The following VANGL1 variants were observed in gnomAD, a reference collection of about 807,000 sequenced individuals.
The protein encoded by VANGL1 is vang-like protein 1.
In VANGL1, 18 loss-of-function variants were observed where a neutral mutation model predicts 48.4. The observed-to-expected ratio is 0.37, with a 90% CI of 0.26 to 0.55. The LOEUF is 0.55. Ranked by LOEUF, VANGL1 falls within the 20% of genes least tolerant of loss-of-function variation. The pLI is 0.81. For synonymous variants in VANGL1, 257 were observed against 261.8 expected, an observed-to-expected ratio of 0.98 and a Z score of 0.18; for missense variants, 667 against 675.8, an observed-to-expected ratio of 0.99 and a Z score of 0.14.
Position 115,691,462 on chromosome 1 carries a change from T to TA in VANGL1, c.*88dup. The TA allele has an allele frequency of 7.0e-7, 1 of 1,426,776 alleles. No homozygotes were observed. The highest frequency in any genetic ancestry group is 9.4e-7 in the Non-Finnish European group (1 of 1,065,562). The allele number at this position is 1,426,776 out of a possible 1,614,324, so 88.4% of individuals were successfully genotyped here. On this transcript the variant is annotated 3_prime_UTR_variant, in exon 8 of 8. Coordinates refer to ENST00000355485, the MANE Select transcript of VANGL1 (RefSeq NM_138959.3). ...ATCTATGCCAGAGGGGTGTCTTTTT[T>TA]AAAAATTCTTCTTCATTGCTGACTG... is the stretch of plus-strand genomic sequence containing the variant.
At chr1:115,675,616 A>G (rs1653132412) in intron 4 of VANGL1, among the ~76,000 whole-genome samples, 1 of 152,056 alleles carries the variant, frequency 6.6e-6, no homozygotes, top group Admixed American at 6.6e-5. Context: ...CCTGGCCAAC[A>G]TGGCGAAACC....
rs1653836372 is a variant in VANGL1 at position 115,691,511 on chromosome 1, A to G, written c.*132A>G. 3 of 1,041,924 alleles carry G rather than the reference A, an allele frequency of 2.9e-6. No individual in the cohort carries two copies. Among genetic ancestry groups the G allele is most frequent in the Non-Finnish European group, 4.1e-6 (3 of 739,724 alleles). 64.5% of individuals were successfully genotyped at this position (1,041,924 alleles called of 1,614,324 possible). On this transcript the variant is annotated 3_prime_UTR_variant, in exon 8 of 8. Coordinates refer to ENST00000355485, the MANE Select transcript of VANGL1 (RefSeq NM_138959.3). ...TGAAACTGGCAGATGATTGACCAGTATCCTTTGACCATCTGCACTTTATTT... is the reference window on the plus strand; with the variant it reads ...TGAAACTGGCAGATGATTGACCAGTGTCCTTTGACCATCTGCACTTTATTT...
intron 7 of VANGL1, among the ~76,000 whole-genome samples, chr1:115,689,500 G>C (rs562443683): frequency 7.3e-6 from 1 of 136,790 alleles, no homozygotes; most frequent in Non-Finnish European, 1.6e-5. Flanking sequence ...AGCCAGGCGT[G>C]GTGGCGCATG....
At chr1:115,662,800 T>TC (rs1357204608) in intron 3 of VANGL1, among the ~76,000 whole-genome samples, 1 of 151,644 alleles carries the variant, frequency 6.6e-6, no homozygotes, top group Non-Finnish European at 1.5e-5. Flanking sequence ...TTTTTTTTTT[T>TC]TTTTGAGACG....
chr1:115,660,236 C>G (rs960265859), intron 3 of VANGL1, among the ~76,000 whole-genome samples: 1 of 152,080 alleles, frequency 6.6e-6, no homozygotes, highest in Non-Finnish European at 1.5e-5. Flanking sequence ...GGCCCTGGGT[C>G]GAAAAGAGGG....
chr1:115,655,450 T>C (rs919220040), intron 2 of VANGL1, among the ~76,000 whole-genome samples: 2 of 152,194 alleles, frequency 1.3e-5, no homozygotes, highest in African/African-American at 2.4e-5. Flanking sequence ...CCGGGCTGCC[T>C]GCATGCCACC....
chr1:115,665,901 C>T (rs1652761214), intron 4 of VANGL1, among the ~76,000 whole-genome samples: 1 of 152,160 alleles, frequency 6.6e-6, no homozygotes, highest in Non-Finnish European at 1.5e-5. Context: ...ATCTCAGCAC[C>T]TGTGGCACTC....
chr1:115,676,520 C>T (rs1653173219), intron 4 of VANGL1, among the ~76,000 whole-genome samples: 1 of 152,188 alleles, frequency 6.6e-6, no homozygotes, highest in Non-Finnish European at 1.5e-5. Flanking sequence ...GAATTATTTA[C>T]TTTGAATAAC....
chr1:115,683,614 T>A (rs571510150), intron 5 of VANGL1, among the ~76,000 whole-genome samples: 1 of 152,324 alleles, frequency 6.6e-6, no homozygotes, highest in South Asian at 2.1e-4. Context: ...TGAAACTTTA[T>A]GTAACAGATG....
intron 2 of VANGL1, among the ~76,000 whole-genome samples, chr1:115,652,695 C>T (rs1263762315): frequency 6.6e-6 from 1 of 152,132 alleles, no homozygotes; most frequent in Non-Finnish European, 1.5e-5. Flanking sequence ...GCGCTCTTCC[C>T]CATACAAGCA....
chr1:115,651,463 C>A lies in VANGL1; in HGVS notation c.50C>A (p.Ser17Ter). The change falls in exon 2 of 8, where the codon TCG becomes TAG. Residue 17 changes from serine to a stop codon, truncating the protein, a stop_gained. Transcript: ENST00000355485. LOFTEE classifies it high-confidence loss of function. The part of the protein sequence containing the change: ...YSGYSYYSSH[S>*]KKSHRQGERT... Reference sequence around the variant, plus strand: ...GGATATTCTTACTATTCAAGTCATTCGAAAAAATCTCACAGACAAGGGTAT... The same window carrying A: ...GGATATTCTTACTATTCAAGTCATTAGAAAAAATCTCACAGACAAGGGTAT... 6.2e-7 allele frequency: 1 copy of A among 1,613,978 alleles called. No individual in the cohort carries two copies. Among genetic ancestry groups the A allele is most frequent in the Non-Finnish European group, 8.5e-7 (1 of 1,179,948 alleles).
In VANGL1 at chr1:115,654,957, AC is replaced by A. The variant is rs570141868; in HGVS notation, c.71+3475del. ...GGTGCCCTCAGCAGATTTTGGGCCA[AC>A]CTTGTTTCTTTAGAAGAGAAATGCT... On this transcript the variant is annotated intron_variant, in intron 2 of 7. Transcript: ENST00000355485. 3.9e-5 allele frequency among the ~76,000 whole-genome samples: 6 copies of A among 152,350 alleles called. No individual in the cohort carries two copies. In the South Asian group the frequency reaches 1.2e-3, roughly 32 times the overall value.
At chr1:115,643,515 C>T (rs966174991) in intron 1 of VANGL1, among the ~76,000 whole-genome samples, 1 of 152,176 alleles carries the variant, frequency 6.6e-6, no homozygotes, top group Admixed American at 6.5e-5. Context: ...CTTCACCTAT[C>T]CATGAGCATT....
intron 1 of VANGL1, among the ~76,000 whole-genome samples, chr1:115,647,597 G>A (rs1651986952): frequency 6.6e-6 from 1 of 152,194 alleles, no homozygotes; most frequent in South Asian, 2.1e-4. Flanking sequence ...ATTAGAAACG[G>A]TATGACTTAG....
chr1:115,653,424 A>G (rs984780528), intron 2 of VANGL1, among the ~76,000 whole-genome samples: 1 of 152,210 alleles, frequency 6.6e-6, no homozygotes, highest in Non-Finnish European at 1.5e-5. Flanking sequence ...GTTTTAAAAT[A>G]CCAATTTTGT....
intron 2 of VANGL1, 120 bp from the exon 3 acceptor site, chr1:115,659,521 G>A (rs61800297): frequency 4.5e-5 from 54 of 1,212,948 alleles, no homozygotes; most frequent in South Asian, 8.7e-5. Context: ...GTGTGTGTGT[G>A]TGTGTGTGTG....
intron 4 of VANGL1, among the ~76,000 whole-genome samples, chr1:115,675,958 G>A (rs902557536): frequency 6.6e-6 from 1 of 152,042 alleles, no homozygotes; most frequent in Admixed American, 6.6e-5. Flanking sequence ...TCATGCTTTT[G>A]TGGCTAGGAG....
In VANGL1 at chr1:115,684,823, T is replaced by C. The variant is rs186396009; in HGVS notation, c.1080-470T>C. 2.1e-3 allele frequency among the ~76,000 whole-genome samples: 319 copies of C among 152,280 alleles called. 1 individual carries two copies. The highest frequency in any genetic ancestry group is 3.8e-3 in the Non-Finnish European group (259 of 68,006). On this transcript the variant is annotated intron_variant, in intron 6 of 7. Transcript: ENST00000355485. The stretch of plus-strand genomic sequence containing the variant: ...CCATCATGTGTGCTGTGCCTCTTCC[T>C]GTTTCCCAGGGGCTGCTGGTGTGGG...
At chr1:115,644,008 G>GC (rs140842204) in intron 1 of VANGL1, among the ~76,000 whole-genome samples, 7,675 of 152,224 alleles carry the variant, frequency 0.05, 259 homozygotes, top group East Asian at 0.11. Flanking sequence ...TCTCCTGAGT[G>GC]CCCCACGATG....
Sources: gnomAD v4.1 joint callset for allele counts (sites outside exome capture counted in the v4.1 genomes callset) on GRCh38, gnomAD v4.1.1 for gene constraint, MANE v1.5 for transcripts, NCBI Gene and HGNC (gene_info 2026-07-23, HGNC 2026-07-21) for gene names.